The following ENO4 variants were observed in gnomAD, a reference collection of about 807,000 sequenced individuals.
ENO4 encodes 2-phospho-D-glycerate hydro-lyase.
A neutral mutation model predicts 63.2 loss-of-function variants in ENO4; 53 were observed. The observed-to-expected ratio is 0.84, with a 90% CI of 0.67 to 1.05. ENO4 has a LOEUF of 1.05. ENO4 is among the 50% of genes least tolerant of loss of function. The pLI is 0.00. For synonymous variants in ENO4, 266 were observed against 283.8 expected, an observed-to-expected ratio of 0.94 and a Z score of 0.63; for missense variants, 719 against 772.0, an observed-to-expected ratio of 0.93 and a Z score of 0.81.
At chr10:116,904,944 GTAATCC>G (rs1847903886) in intron 10 of ENO4, among the ~76,000 whole-genome samples, 1 of 151,950 alleles carries the variant, frequency 6.6e-6, no homozygotes, top group South Asian at 2.2e-4. Flanking sequence ...GCTCACGCCT[GTAATCC>G]CAGCACTTTG....
chr10:116,903,955 G>A (rs1847856561), intron 10 of ENO4, among the ~76,000 whole-genome samples: 1 of 152,138 alleles, frequency 6.6e-6, no homozygotes, highest in African/African-American at 2.4e-5. Flanking sequence ...ATGTCAGTTT[G>A]GTAGGACACA....
At chr10:116,866,442 C>A (rs1846549157) in intron 7 of ENO4, among the ~76,000 whole-genome samples, 1 of 152,218 alleles carries the variant, frequency 6.6e-6, no homozygotes, top group Non-Finnish European at 1.5e-5. Context: ...GATTTGGTTT[C>A]TATTATGGTT....
rs763733545 is a variant in ENO4 at position 116,881,533 on chromosome 10, CTTTT to C, written c.1747_1750del (p.Phe583ThrfsTer31). 2 of 1,543,034 alleles carry C rather than the reference CTTTT, an allele frequency of 1.3e-6. No homozygotes were observed. Reference sequence around the variant, plus strand: ...TAAATAGGTTTCAAAGAAGAACACACTTTTTTTTACTTTAATGAGGAAGCTGAAA... The same window carrying C: ...TAAATAGGTTTCAAAGAAGAACACACTTTTACTTTAATGAGGAAGCTGAAA... On this transcript the variant is annotated frameshift_variant, in exon 14 of 14. Transcript: ENST00000341276. LOFTEE classifies it low-confidence loss of function (END_TRUNC).
chr10:116,863,132 G>A (rs897820981), intron 7 of ENO4, among the ~76,000 whole-genome samples: 6 of 152,196 alleles, frequency 3.9e-5, no homozygotes, highest in African/African-American at 1.2e-4. Context: ...TGGCCCCCAC[G>A]ATATGAGAGG....
rs190437378 is a variant in ENO4, at chr10:116,905,133, C to T, written c.1195-6366C>T. On this transcript the variant is annotated intron_variant, in intron 10 of 10. Coordinates refer to the ENO4 transcript ENST00000369207. ...GGAGAATGGCGTTGAACCCGGGAAG[C>T]GGAGCTTGCAGTGAGCCGAGATTGC... Among the ~76,000 whole-genome samples the T allele has an allele frequency of 8.2e-3, 1,208 of 146,578 alleles. 8 individuals are homozygous for T. The highest frequency in any genetic ancestry group is 0.011 in the Non-Finnish European group (755 of 67,464).
chr10:116,850,979 CTCAT>C (rs1846065057), intron 1 of ENO4, among the ~76,000 whole-genome samples: 1 of 152,324 alleles, frequency 6.6e-6, no homozygotes, highest in East Asian at 1.9e-4. Flanking sequence ...ATGCTTGACT[CTCAT>C]TCCATTCTCT....
chr10:116,904,099 C>T lies in ENO4; in HGVS notation c.1195-7400C>T, dbSNP rs1339574453. On this transcript the variant is annotated intron_variant, in intron 10 of 10. Transcript: ENST00000369207. Reference sequence around the variant, plus strand: ...AGCTCTGCAAACTCTCAGGCTGTCTCTCTTCTGATGTTTCCTTTCTCTACT... The same window carrying T: ...AGCTCTGCAAACTCTCAGGCTGTCTTTCTTCTGATGTTTCCTTTCTCTACT... Among the ~76,000 whole-genome samples, 4 of 152,332 alleles carry T rather than the reference C, an allele frequency of 2.6e-5. No individual in the cohort carries two copies. In the East Asian group the frequency reaches 7.7e-4, roughly 29 times the overall value.
chr10:116,853,634 G>C, intron 1 of ENO4, among the ~76,000 whole-genome samples: 1 of 152,132 alleles, frequency 6.6e-6, no homozygotes, highest in East Asian at 1.9e-4. Flanking sequence ...GCACATTATA[G>C]GTGCTTGGTG....
chr10:116,867,859 A>G (rs142396028), intron 7 of ENO4, among the ~76,000 whole-genome samples: 1 of 152,290 alleles, frequency 6.6e-6, no homozygotes, highest in African/African-American at 2.4e-5. Context: ...GCCATTCTGA[A>G]TTGGAGCCAG....
At chr10:116,906,315 G>C (rs1847970221) in intron 10 of ENO4, among the ~76,000 whole-genome samples, 1 of 152,200 alleles carries the variant, frequency 6.6e-6, no homozygotes, top group South Asian at 2.1e-4. Flanking sequence ...TGGCTCCAGA[G>C]CCTGTACTTG....
At chr10:116,893,911 AT>A (rs1256336961) in intron 10 of ENO4, among the ~76,000 whole-genome samples, 1 of 152,232 alleles carries the variant, frequency 6.6e-6, no homozygotes, top group East Asian at 1.9e-4. Flanking sequence ...AGTAAACAAA[AT>A]AAAATAAAAT....
At chr10:116,850,120 T>A in intron 1 of ENO4, 1 of 312,094 alleles carries the variant, frequency 3.2e-6, no homozygotes, top group Non-Finnish European at 6.2e-6. Context: ...CTCACCGACC[T>A]TAAGCAGCTC....
At chr10:116,887,941 C>G (rs952016049) in intron 10 of ENO4, among the ~76,000 whole-genome samples, 1 of 152,174 alleles carries the variant, frequency 6.6e-6, no homozygotes, top group South Asian at 2.1e-4. Flanking sequence ...CTGCATGACC[C>G]GGTCACGGGC....
chr10:116,864,975 G>A (rs1048121634), intron 7 of ENO4, among the ~76,000 whole-genome samples: 5 of 151,848 alleles, frequency 3.3e-5, no homozygotes, highest in Admixed American at 3.3e-4. Context: ...AGCCAAGATT[G>A]CACCACTGTA....
chr10:116,893,897 A>G (rs929288684), intron 10 of ENO4, among the ~76,000 whole-genome samples: 8 of 152,226 alleles, frequency 5.3e-5, no homozygotes, highest in Non-Finnish European at 8.8e-5. Context: ...ATAGGATTAG[A>G]GAAAGTAAAC....
At chr10:116,851,558 G>A (rs1039103170) in intron 1 of ENO4, among the ~76,000 whole-genome samples, 7 of 152,280 alleles carry the variant, frequency 4.6e-5, no homozygotes, top group South Asian at 2.1e-4. Flanking sequence ...AGTTTTGGCC[G>A]TGCTTACTCT....
chr10:116,853,624 GCA>G (rs1359639194), intron 1 of ENO4, among the ~76,000 whole-genome samples: 1 of 152,094 alleles, frequency 6.6e-6, no homozygotes, highest in Non-Finnish European at 1.5e-5. Context: ...ACAACACGCG[GCA>G]CATTATAGGT....
intron 1 of ENO4, among the ~76,000 whole-genome samples, chr10:116,852,532 T>G (rs1846117587): frequency 6.6e-6 from 1 of 152,178 alleles, no homozygotes; most frequent in Non-Finnish European, 1.5e-5. Flanking sequence ...CACCTTTTTG[T>G]AAGTCCCTCC....
chr10:116,894,892 C>G (rs1847462024), intron 10 of ENO4, among the ~76,000 whole-genome samples: 1 of 152,168 alleles, frequency 6.6e-6, no homozygotes, highest in Non-Finnish European at 1.5e-5. Flanking sequence ...AAGCCTCTGC[C>G]TGACTGTGAT....
Sources: allele counts gnomAD v4.1 joint callset (sites outside exome capture counted in the v4.1 genomes callset), GRCh38; gene constraint gnomAD v4.1.1; transcripts MANE v1.5; gene names NCBI Gene and HGNC (gene_info 2026-07-23, HGNC 2026-07-21).